Variants in ADAM20 observed in about 807,000 individuals in gnomAD.
ADAM20 encodes the protein ADAM metallopeptidase domain 20.
For missense variants in ADAM20, 871 were observed against 883.2 expected, an observed-to-expected ratio of 0.99 and a Z score of 0.18; for synonymous variants, 305 against 310.2, an observed-to-expected ratio of 0.98 and a Z score of 0.18.
chr14:70,542,061 T>A, the ADAM20 span, among the ~76,000 whole-genome samples: 1 of 152,230 alleles, frequency 6.6e-6, no homozygotes, highest in South Asian at 2.1e-4. Flanking sequence ...TAGAGTGATC[T>A]TTTTGATGTT....
the ADAM20 span, among the ~76,000 whole-genome samples, chr14:70,577,552 C>A: frequency 6.6e-6 from 1 of 152,070 alleles, no homozygotes; most frequent in African/African-American, 2.4e-5. Context: ...TACTTTCAAG[C>A]CTTGAAAGAA....
chr14:70,557,185 C>T, the ADAM20 span: 1 of 152,042 alleles, frequency 6.6e-6, no homozygotes, highest in Admixed American at 6.6e-5. Flanking sequence ...TTAATGGTCC[C>T]AGGTGTTGGG....
At chr14:70,527,517 G>A (rs1883615662) in intron 1 of ADAM20, among the ~76,000 whole-genome samples, 1 of 152,040 alleles carries the variant, frequency 6.6e-6, no homozygotes, top group Non-Finnish European at 1.5e-5. Context: ...TCTCTTTAAT[G>A]GACAAGAATC....
At position 70,523,236 on chromosome 14, in the gene ADAM20, A is replaced by G. The variant is rs573231651; in HGVS notation, c.1522T>C (p.Cys508Arg). 6.2e-7 allele frequency: 1 copy of G among 1,613,928 alleles called. No homozygotes were observed. The highest frequency in any genetic ancestry group is 1.3e-5 in the African/African-American group (1 of 74,996). ...NVNAFCYEKTCNNHDIQCKEI... is the reference protein window; with the variant it reads ...NVNAFCYEKTRNNHDIQCKEI... ...TTACATTGTATATCATGGTTATTAC[A>G]CGTCTTTTCATAGCAGAAGGCATTC... The change falls in exon 2 of 2, where the codon TGT becomes CGT. Residue 508 changes from cysteine to arginine, a missense_variant. Cys to Arg is a radical substitution (Grantham distance 180, BLOSUM62 -3). Transcript: ENST00000256389.
rs370104734 is a variant in ADAM20, at chr14:70,524,138, C to A, written c.620G>T (p.Arg207Leu). ...SSFVGWWTHQ[R>L]FVELVVVVDN... ...CACGACCACTACCAGCTCAACAAAC[C>A]GCTGATGGGTCCACCAGCCCACAAA... The change falls in exon 2 of 2, where the codon CGG becomes CTG. Residue 207 changes from arginine to leucine, a missense_variant. By Grantham distance (102) the Arg-to-Leu change is moderately radical (BLOSUM62 -2). Coordinates refer to ENST00000256389, the MANE Select transcript of ADAM20 (RefSeq NM_003814.5). The A allele has an allele frequency of 6.2e-7, 1 of 1,613,746 alleles. No individual in the cohort carries two copies. The highest frequency in any genetic ancestry group is 1.3e-5 in the African/African-American group (1 of 75,016).
At chr14:70,562,478 G>C in the ADAM20 span, among the ~76,000 whole-genome samples, 3 of 152,290 alleles carry the variant, frequency 2.0e-5, no homozygotes, top group African/African-American at 7.2e-5. Context: ...AGGAATAATT[G>C]TATTTTTGCA....
rs1266491712 is a variant in ADAM20, at chr14:70,524,180, G to A, written c.578C>T (p.Thr193Ile). ...QMELQLSYNFTLKQSSFVGWW... is the reference protein window; with the variant it reads ...QMELQLSYNFILKQSSFVGWW... The stretch of plus-strand genomic sequence containing the variant: ...GCCCACAAAAGAACTTTGCTTCAGA[G>A]TGAAATTATATGACAATTGCAACTC... The change falls in exon 2 of 2, where the codon ACT (threonine) becomes ATT (isoleucine). Residue 193 changes from threonine (T) to isoleucine (I), a missense_variant. Physicochemically the swap from Thr to Ile is moderately conservative, Grantham distance 89. Transcript: ENST00000256389. 6.2e-7 allele frequency: 1 copy of A among 1,613,784 alleles called. No individual in the cohort carries two copies.
At chr14:70,553,477 AAG>A in the ADAM20 span, among the ~76,000 whole-genome samples, 8 of 150,026 alleles carry the variant, frequency 5.3e-5, no homozygotes, top group African/African-American at 2.0e-4. Context: ...CATCAAGAAA[AAG>A]AGAACCACAG....
At chr14:70,550,780 G>A in the ADAM20 span, among the ~76,000 whole-genome samples, 1 of 80,208 alleles carries the variant, frequency 1.2e-5, no homozygotes, top group Non-Finnish European at 2.3e-5. Context: ...AATAGAAAAA[G>A]AGGGAATCCT....
chr14:70,565,077 T>C, the ADAM20 span, among the ~76,000 whole-genome samples: 31 of 150,878 alleles, frequency 2.1e-4, no homozygotes, highest in African/African-American at 7.3e-4. Context: ...ATAAAATAAA[T>C]ATAATTAAAT....
At chr14:70,545,334 T>C in the ADAM20 span, among the ~76,000 whole-genome samples, 1 of 152,134 alleles carries the variant, frequency 6.6e-6, no homozygotes, top group Non-Finnish European at 1.5e-5. Flanking sequence ...ATCTGCGCAC[T>C]TGGGAGAGGG....
At chr14:70,524,959 G>T (rs1356531193) in intron 1 of ADAM20, 26 bp from the exon 2 acceptor site, 1 of 1,516,204 alleles carries the variant, frequency 6.6e-7, no homozygotes, top group Non-Finnish European at 8.9e-7. Flanking sequence ...TGGGGTGGGT[G>T]GGATAGAAAG....
chr14:70,568,150 G>T, the ADAM20 span, among the ~76,000 whole-genome samples: 1 of 147,560 alleles, frequency 6.8e-6, no homozygotes, highest in African/African-American at 2.7e-5. Flanking sequence ...AGTTTCCTAA[G>T]ACCTATGCAC....
At chr14:70,563,255 T>C in the ADAM20 span, among the ~76,000 whole-genome samples, 3 of 151,918 alleles carry the variant, frequency 2.0e-5, no homozygotes, top group African/African-American at 7.3e-5. Flanking sequence ...ACCTCACGAC[T>C]GGAGTACACA....
Position 70,524,697 on chromosome 14 carries a change from T to C in ADAM20, c.61A>G (p.Met21Val), listed in dbSNP as rs985353996. The C allele has an allele frequency of 6.2e-7, 1 of 1,613,798 alleles. No homozygotes were observed. The highest frequency in any genetic ancestry group is 8.5e-7 in the Non-Finnish European group (1 of 1,179,880). The change falls in exon 2 of 2, where the codon ATG (methionine) becomes GTG (valine). Residue 21 changes from methionine to valine, a missense_variant. Transcript: ENST00000256389. ...RVTLLLLWFG[M>V]FLSISGHSQA... ...GAGTGGCCAGAAATAGACAAAAACA[T>C]CCCAAACCAGAGCAGCAGAAGAGTG...
the ADAM20 span, among the ~76,000 whole-genome samples, chr14:70,573,765 ATCAAAAACTG>A: frequency 6.6e-6 from 1 of 152,232 alleles, no homozygotes; most frequent in Admixed American, 6.5e-5. Context: ...TGGACTTTAC[ATCAAAAACTG>A]TCACAAGACA....
At chr14:70,557,716 G>A in the ADAM20 span, among the ~76,000 whole-genome samples, 1 of 152,112 alleles carries the variant, frequency 6.6e-6, no homozygotes, top group East Asian at 1.9e-4. Flanking sequence ...GGCTTTGAAT[G>A]CAGCCCAACA....
At chr14:70,558,214 G>A in the ADAM20 span, among the ~76,000 whole-genome samples, 1 of 152,094 alleles carries the variant, frequency 6.6e-6, no homozygotes. Flanking sequence ...GCCATAAAGG[G>A]ACAAAAATTA....
chr14:70,566,164 T>C, the ADAM20 span, among the ~76,000 whole-genome samples: 2 of 152,112 alleles, frequency 1.3e-5, no homozygotes, highest in Non-Finnish European at 1.5e-5. Context: ...TATAAGTAAA[T>C]ATAGAATCTT....
Sources: gnomAD v4.1 joint callset for allele counts (sites outside exome capture counted in the v4.1 genomes callset) on GRCh38, gnomAD v4.1.1 for gene constraint, MANE v1.5 for transcripts, NCBI Gene and HGNC (gene_info 2026-07-23, HGNC 2026-07-21) for gene names.